Variants in ENPP3 observed in about 807,000 individuals in gnomAD.
The protein encoded by ENPP3 is ectonucleotide pyrophosphatase/phosphodiesterase family member 3.
Under a neutral mutation model 117.8 loss-of-function variants are expected in ENPP3, and 104 were observed. The observed-to-expected ratio is 0.88, with a 90% CI of 0.75 to 1.04. The LOEUF is 1.04. ENPP3 is among the 50% of genes least tolerant of loss of function. The probability of loss-of-function intolerance (pLI) is 0.00; values close to 1 mark genes in which losing one functional copy is unlikely to be tolerated. For synonymous variants in ENPP3, 380 were observed against 349.9 expected (o/e 1.09, Z -0.96); for missense variants, 1,026 against 1,051.9 (o/e 0.98, Z 0.34).
At chr6:131,648,701 TTA>T (rs1415341704) in intron 2 of ENPP3, among the ~76,000 whole-genome samples, 2 of 152,204 alleles carry the variant, frequency 1.3e-5, no homozygotes, top group African/African-American at 4.8e-5. Context: ...AGACACACTA[TTA>T]TAACCTCCTT....
intron 20 of ENPP3, among the ~76,000 whole-genome samples, chr6:131,731,438 C>T (rs1252128671): frequency 4.6e-5 from 7 of 152,176 alleles, no homozygotes; most frequent in African/African-American, 1.7e-4. Context: ...TCAGCATATA[C>T]AATTTTCAGG....
At chr6:131,638,702 G>T in intron 1 of ENPP3, 1 of 214,084 alleles carries the variant, frequency 4.7e-6, no homozygotes, top group Non-Finnish European at 9.6e-6. Context: ...TGGGACTACA[G>T]GCATGAACCA....
intron 9 of ENPP3, among the ~76,000 whole-genome samples, chr6:131,676,515 A>G (rs896480814): frequency 2.6e-5 from 4 of 152,188 alleles, no homozygotes; most frequent in African/African-American, 7.2e-5. Flanking sequence ...GAAAGAGAGA[A>G]GGGTGGGGTG....
At chr6:131,721,850 T>C (rs1780040047) in intron 17 of ENPP3, among the ~76,000 whole-genome samples, 1 of 152,170 alleles carries the variant, frequency 6.6e-6, no homozygotes, top group Non-Finnish European at 1.5e-5. Flanking sequence ...ACAGAAACCA[T>C]TCATGAAAGT....
At position 131,668,206 on chromosome 6, in the gene ENPP3, G is replaced by GTTT. The variant is rs557047103; in HGVS notation, c.563-3020_563-3018dup. 4.9e-3 allele frequency among the ~76,000 whole-genome samples: 344 copies of GTTT among 69,948 alleles called. 2 individuals are homozygous for GTTT. Among genetic ancestry groups the GTTT allele is most frequent in the Non-Finnish European group, 6.2e-3 (249 of 40,368 alleles). The allele number at this position is 69,948 out of a possible 152,430, so 45.9% of individuals were successfully genotyped here. ...TTTTTGAGTCGGAGTCTCGCTCTGCGTTTTTTTTTTTTTTTTTTTTTTTTG... is the reference window on the plus strand; with the variant it reads ...TTTTTGAGTCGGAGTCTCGCTCTGCGTTTTTTTTTTTTTTTTTTTTTTTTTTTG... On this transcript the variant is annotated intron_variant, in intron 6 of 24. Coordinates refer to ENST00000357639, the MANE Select transcript of ENPP3 (RefSeq NM_005021.5).
intron 5 of ENPP3, 81 bp from the exon 6 acceptor site, chr6:131,658,242 A>G (rs1459107379): frequency 5.3e-6 from 4 of 757,180 alleles, no homozygotes; most frequent in South Asian, 4.5e-5. Context: ...CCTTAAACAC[A>G]GGTCTAAAAA....
At chr6:131,732,237 G>A (rs1338976389) in intron 20 of ENPP3, among the ~76,000 whole-genome samples, 2 of 152,110 alleles carry the variant, frequency 1.3e-5, no homozygotes, top group Admixed American at 1.3e-4. Context: ...AAATCAAAAT[G>A]TCTGAGAAAA....
chr6:131,706,455 C>T (rs1373068349), intron 15 of ENPP3, among the ~76,000 whole-genome samples: 3 of 147,612 alleles, frequency 2.0e-5, no homozygotes, highest in South Asian at 2.1e-4. Context: ...ACGACAGCCT[C>T]ATGCATGCTC....
intron 6 of ENPP3, among the ~76,000 whole-genome samples, chr6:131,663,456 G>A (rs933494314): frequency 8.8e-5 from 13 of 148,072 alleles, no homozygotes; most frequent in African/African-American, 3.3e-4. Flanking sequence ...GAAGGCCAAG[G>A]AAGGAGGATT....
At chr6:131,737,030 C>T (rs1192853319) in intron 21 of ENPP3, among the ~76,000 whole-genome samples, 1 of 152,168 alleles carries the variant, frequency 6.6e-6, no homozygotes, top group East Asian at 1.9e-4. Context: ...AGACACTAGT[C>T]ACTGGATTTA....
chr6:131,641,699 T>C (rs563755826), intron 2 of ENPP3, among the ~76,000 whole-genome samples, 169 bp downstream of exon 2: 2 of 152,122 alleles, frequency 1.3e-5, no homozygotes, highest in South Asian at 4.2e-4. Flanking sequence ...ACATCTGAGG[T>C]TGGCATTGCT....
At chr6:131,688,014 A>G (rs1779191148) in intron 14 of ENPP3, among the ~76,000 whole-genome samples, 1 of 152,106 alleles carries the variant, frequency 6.6e-6, no homozygotes, top group South Asian at 2.1e-4. Context: ...GAGCATGTCT[A>G]TCCAGTGCTA....
intron 15 of ENPP3, among the ~76,000 whole-genome samples, chr6:131,706,539 C>T (rs1271664347): frequency 5.3e-5 from 8 of 151,242 alleles, no homozygotes; most frequent in African/African-American, 7.3e-5. Context: ...AGAACGTATC[C>T]GCATCATTAA....
chr6:131,733,843 A>G, intron 21 of ENPP3, 120 bp downstream of exon 21: 1 of 1,007,456 alleles, frequency 9.9e-7, no homozygotes, highest in Admixed American at 2.2e-5. Flanking sequence ...TAGCTGCCTG[A>G]GAGGCTTCCA....
chr6:131,652,472 A>T, intron 3 of ENPP3, 70 bp from the exon 4 acceptor site: 1 of 1,443,776 alleles, frequency 6.9e-7, no homozygotes, highest in Admixed American at 1.9e-5. Flanking sequence ...ATATAGGAAT[A>T]AATAAATGAA....
At chr6:131,728,301 G>A (rs984267483) in intron 20 of ENPP3, among the ~76,000 whole-genome samples, 2 of 152,096 alleles carry the variant, frequency 1.3e-5, no homozygotes, top group Admixed American at 1.3e-4. Flanking sequence ...GCATTAAAGG[G>A]AATGTTTATG....
chr6:131,721,227 G>A (rs1780012472), intron 17 of ENPP3, among the ~76,000 whole-genome samples: 1 of 152,214 alleles, frequency 6.6e-6, no homozygotes, highest in Admixed American at 6.5e-5. Flanking sequence ...AAGGCAATGA[G>A]TAAGCTGCAA....
At chr6:131,736,886 C>A (rs993652713) in intron 21 of ENPP3, among the ~76,000 whole-genome samples, 36 of 152,100 alleles carry the variant, frequency 2.4e-4, no homozygotes, top group African/African-American at 8.2e-4. Flanking sequence ...GAAAATCCTT[C>A]CTTGTCTCTC....
At chr6:131,681,726 C>G (rs1046277148) in intron 11 of ENPP3, among the ~76,000 whole-genome samples, 10 of 152,300 alleles carry the variant, frequency 6.6e-5, no homozygotes, top group African/African-American at 2.4e-4. Context: ...TGCATGTTTA[C>G]TAAGAAATGC....
Sources: gnomAD v4.1 joint callset for allele counts (sites outside exome capture counted in the v4.1 genomes callset) on GRCh38, gnomAD v4.1.1 for gene constraint, MANE v1.5 for transcripts, NCBI Gene and HGNC (gene_info 2026-07-23, HGNC 2026-07-21) for gene names.